SCN8A: variants seen among roughly 807,000 people sequenced by gnomAD.
SCN8A encodes sodium voltage-gated channel alpha subunit 8.
In SCN8A, 30 loss-of-function variants were observed where a neutral mutation model predicts 184.1. The ratio of observed to expected loss-of-function variants is 0.16; its 90% CI spans 0.12 to 0.22. The LOEUF (loss-of-function observed/expected upper bound fraction) is 0.22, where lower values mean the gene tolerates loss of function less well. Among genes scored for constraint, SCN8A ranks in the 10% least tolerant of loss-of-function variants. The pLI is 1.00. For missense variants in SCN8A, 1,057 were observed against 2,498.9 expected, an observed-to-expected ratio of 0.42 and a Z score of 12.30; for synonymous variants, 852 against 907.0, an observed-to-expected ratio of 0.94 and a Z score of 1.09.
intron 11 of SCN8A, 45 bp from the exon 12 acceptor site, chr12:51,721,501 G>T (rs1013273602): frequency 3.3e-6 from 5 of 1,534,386 alleles, no homozygotes; most frequent in Middle Eastern, 1.8e-4. Context: ...CCACACTCCC[G>T]TCTCATTTCC....
intron 1 of SCN8A, among the ~76,000 whole-genome samples, chr12:51,635,889 A>T (rs17125933): frequency 0.06 from 9,177 of 152,278 alleles, 405 homozygotes; most frequent in East Asian, 0.14. Context: ...AAATGCAATG[A>T]CTGTATAGCT....
rs1315380749 is a variant in SCN8A, at chr12:51,809,374, G to A, written c.*1945G>A. The A allele has an allele frequency of 6.6e-6, 1 of 152,204 alleles. No individual in the cohort carries two copies. The highest frequency in any genetic ancestry group is 2.4e-5 in the African/African-American group (1 of 41,446). 9.4% of individuals were successfully genotyped at this position (152,204 alleles called of 1,614,324 possible). On this transcript the variant is annotated 3_prime_UTR_variant, in exon 27 of 27. Coordinates refer to ENST00000627620, the MANE Select transcript of SCN8A (RefSeq NM_001330260.2). ...GAACCAACCCATAATCAGACACACC[G>A]ATCTGCCTTGCAGTAGAAGCACTTT...
intron 17 of SCN8A, among the ~76,000 whole-genome samples, chr12:51,769,654 G>T (rs1448592782): frequency 6.6e-6 from 1 of 152,112 alleles, no homozygotes. Flanking sequence ...CTTTGGGTGG[G>T]TCATTGCCGT....
At chr12:51,620,029 C>T (rs1222762613) in intron 1 of SCN8A, among the ~76,000 whole-genome samples, 1 of 152,082 alleles carries the variant, frequency 6.6e-6, no homozygotes, top group Non-Finnish European at 1.5e-5. Flanking sequence ...GTCCCTAGAT[C>T]AAGACATTCA....
chr12:51,747,580 G>A (rs2138831904), intron 13 of SCN8A, among the ~76,000 whole-genome samples: 1 of 152,268 alleles, frequency 6.6e-6, no homozygotes, highest in East Asian at 1.9e-4. Context: ...TATCAATACA[G>A]TGCAACAGTT....
At position 51,809,448 on chromosome 12, in the gene SCN8A, C is replaced by T. The variant is rs1938821842; in HGVS notation, c.*2019C>T. On this transcript the variant is annotated 3_prime_UTR_variant, in exon 27 of 27. Transcript: ENST00000627620. ...GACTAGTTTTGCATAGAACAAACCA[C>T]AGTAAGTCGGCAAGCAGAGCTTTCT... is the stretch of plus-strand genomic sequence containing the variant. 6.6e-6 allele frequency: 1 copy of T among 152,216 alleles called. No individual in the cohort carries two copies. The highest frequency in any genetic ancestry group is 1.5e-5 in the Non-Finnish European group (1 of 68,044). The allele number at this position is 152,216 out of a possible 1,614,324, so 9.4% of individuals were successfully genotyped here.
intron 2 of SCN8A, among the ~76,000 whole-genome samples, chr12:51,680,961 G>A (rs1407509957): frequency 1.3e-5 from 2 of 151,930 alleles, no homozygotes; most frequent in Non-Finnish European, 2.9e-5. Flanking sequence ...CCGAGATTGC[G>A]CCATTGCACT....
intron 9 of SCN8A, 32 bp from the exon 10 acceptor site, chr12:51,705,385 A>C (rs762252741): frequency 2.5e-6 from 4 of 1,609,560 alleles, no homozygotes; most frequent in Non-Finnish European, 2.6e-6. Context: ...ATTTGGTACA[A>C]GTGACTCAGA....
At chr12:51,613,575 A>AT (rs1939769781) in intron 1 of SCN8A, among the ~76,000 whole-genome samples, 1 of 150,916 alleles carries the variant, frequency 6.6e-6, no homozygotes, top group Non-Finnish European at 1.5e-5. Flanking sequence ...ATTTTCCTCT[A>AT]TTTTTCTGTT....
At chr12:51,675,217 G>T (rs1416752170) in intron 2 of SCN8A, among the ~76,000 whole-genome samples, 1 of 152,220 alleles carries the variant, frequency 6.6e-6, no homozygotes, top group Non-Finnish European at 1.5e-5. Context: ...GCAGCATTGT[G>T]CTGGCTCAGC....
intron 20 of SCN8A, 131 bp downstream of exon 20, chr12:51,774,493 A>G (rs1937629628): frequency 2.4e-6 from 2 of 820,258 alleles, no homozygotes; most frequent in East Asian, 2.6e-5. Flanking sequence ...GTGTGGGTAA[A>G]GTTCCTTTCA....
intron 7 of SCN8A, among the ~76,000 whole-genome samples, chr12:51,700,203 G>A (rs898082921): frequency 6.6e-6 from 1 of 151,656 alleles, no homozygotes; most frequent in African/African-American, 2.4e-5. Flanking sequence ...AGAGGTAGTT[G>A]GAGCTGGAAA....
intron 1 of SCN8A, among the ~76,000 whole-genome samples, chr12:51,613,833 T>C (rs1455938568): frequency 6.6e-6 from 1 of 152,150 alleles, no homozygotes; most frequent in Non-Finnish European, 1.5e-5. Context: ...TTTAGAAGTA[T>C]GTTGTTTGGA....
rs114959215 is a variant in SCN8A at position 51,636,746 on chromosome 12, T to C, written c.-54-26018T>C. On this transcript the variant is annotated intron_variant, in intron 1 of 26. Transcript: ENST00000627620. Reference sequence around the variant, plus strand: ...TATCCAGTGGCCTACTGTGTTCCTCTTTCAGGGCAAAGCATGATGCAATGC... The same window carrying C: ...TATCCAGTGGCCTACTGTGTTCCTCCTTCAGGGCAAAGCATGATGCAATGC... Among the ~76,000 whole-genome samples the C allele has an allele frequency of 5.5e-3, 831 of 152,360 alleles. 10 individuals are homozygous for C. Among genetic ancestry groups the C allele is most frequent in the African/African-American group, 0.019 (778 of 41,582 alleles).
At chr12:51,703,325 GA>G (rs1309130870) in intron 9 of SCN8A, among the ~76,000 whole-genome samples, 1 of 151,960 alleles carries the variant, frequency 6.6e-6, no homozygotes, top group Non-Finnish European at 1.5e-5. Flanking sequence ...CTACTTTTTG[GA>G]AAGTTGGGAT....
At chr12:51,593,227 T>G (rs544012081) in intron 1 of SCN8A, among the ~76,000 whole-genome samples, 10 of 152,296 alleles carry the variant, frequency 6.6e-5, no homozygotes, top group Non-Finnish European at 1.5e-4. Context: ...ACGCATTCCC[T>G]GTCCTAGAAA....
intron 13 of SCN8A, among the ~76,000 whole-genome samples, chr12:51,749,367 G>C (rs1942560954): frequency 6.6e-6 from 1 of 152,092 alleles, no homozygotes; most frequent in African/African-American, 2.4e-5. Flanking sequence ...CATTACAATT[G>C]TGTCAACTGT....
rs140465057 is a variant in SCN8A at position 51,659,011 on chromosome 12, A to G, written c.-54-3753A>G. On this transcript the variant is annotated intron_variant, in intron 1 of 26. Transcript: ENST00000627620. ...CTATATGCCAAAAAGAAATAAAGGTATGGCTACCAAAAGACACCTACAAGA... is the reference window on the plus strand; with the variant it reads ...CTATATGCCAAAAAGAAATAAAGGTGTGGCTACCAAAAGACACCTACAAGA... Among the ~76,000 whole-genome samples, 11 of 152,328 alleles carry G rather than the reference A, an allele frequency of 7.2e-5. No homozygotes were observed. The East Asian group carries it at 2.1e-3, about 29-fold the overall frequency.
chr12:51,708,663 C>G (rs1052421674), intron 11 of SCN8A, among the ~76,000 whole-genome samples: 19 of 152,092 alleles, frequency 1.2e-4, no homozygotes, highest in African/African-American at 4.6e-4. Flanking sequence ...CATGTCCATC[C>G]CTTTCTTTCC....
Sources: gnomAD v4.1 joint callset for allele counts (sites outside exome capture counted in the v4.1 genomes callset) on GRCh38, gnomAD v4.1.1 for gene constraint, MANE v1.5 for transcripts, NCBI Gene and HGNC (gene_info 2026-07-23, HGNC 2026-07-21) for gene names.